Variants in REV3L observed in about 807,000 individuals in gnomAD.
REV3L encodes DNA polymerase zeta catalytic subunit.
Under a neutral mutation model 299.4 loss-of-function variants are expected in REV3L, and 69 were observed. That is an observed-to-expected ratio of 0.23 (90% CI 0.19 to 0.28). The LOEUF (loss-of-function observed/expected upper bound fraction) is 0.28, where lower values mean the gene tolerates loss of function less well. REV3L is among the 10% of genes least tolerant of loss of function. The probability of loss-of-function intolerance (pLI) is 1.00; values close to 1 mark genes in which losing one functional copy is unlikely to be tolerated. For synonymous variants in REV3L, 1,238 were observed against 1,271.4 expected (o/e 0.97, Z 0.56); for missense variants, 3,128 against 3,693.8 (o/e 0.85, Z 3.97).
chr6:111,450,414 G>A (rs1024839452), intron 1 of REV3L, among the ~76,000 whole-genome samples: 2 of 148,158 alleles, frequency 1.3e-5, no homozygotes, highest in Non-Finnish European at 3.0e-5. Context: ...AGGAATTCGA[G>A]GCTGCAGTGA....
intron 16 of REV3L, among the ~76,000 whole-genome samples, chr6:111,359,361 T>G (rs1458508390): frequency 6.6e-6 from 1 of 152,120 alleles, no homozygotes; most frequent in Non-Finnish European, 1.5e-5. Context: ...TTACTCTTCA[T>G]GTAGTTAGCT....
chr6:111,309,699 A>T, intron 30 of REV3L, 154 bp downstream of exon 30: 4 of 767,586 alleles, frequency 5.2e-6, no homozygotes, highest in Non-Finnish European at 7.8e-6. Context: ...TCTACCCAGC[A>T]CTTCCCCTCC....
intron 21 of REV3L, among the ~76,000 whole-genome samples, chr6:111,336,558 C>T (rs1362688761): frequency 1.3e-5 from 2 of 152,084 alleles, no homozygotes; most frequent in Non-Finnish European, 2.9e-5. Flanking sequence ...TTGGAATCCT[C>T]ATATACTGCT....
At position 111,329,531 on chromosome 6, in the gene REV3L, C is replaced by T; in HGVS notation, c.8241+1G>A. 6.2e-7 allele frequency: 1 copy of T among 1,613,806 alleles called. No homozygotes were observed. Among genetic ancestry groups the T allele is most frequent in the Non-Finnish European group, 8.5e-7 (1 of 1,179,734 alleles). ...AAAAACTACAGATTTGTATCACTTA[C>T]CTCAATGCATGGCATTCTCCCAGAA... On this transcript the variant is annotated splice_donor_variant, in intron 25 of 31. Coordinates refer to ENST00000368802, the MANE Select transcript of REV3L (RefSeq NM_001372078.1). LOFTEE classifies it high-confidence loss of function.
At chr6:111,437,375 G>C (rs1158060256) in intron 1 of REV3L, among the ~76,000 whole-genome samples, 2 of 151,804 alleles carry the variant, frequency 1.3e-5, no homozygotes, top group Non-Finnish European at 2.9e-5. Context: ...ATACAATACA[G>C]CATATCCAGA....
At chr6:111,381,185 T>C in intron 10 of REV3L, 140 bp downstream of exon 10, 1 of 797,972 alleles carries the variant, frequency 1.3e-6, no homozygotes, top group Non-Finnish European at 1.9e-6. Context: ...AATGCAAGGT[T>C]TCATTTTCAT....
intron 9 of REV3L, 92 bp from the exon 10 acceptor site, chr6:111,381,536 T>G: frequency 9.5e-7 from 1 of 1,047,684 alleles, no homozygotes. Context: ...AGCATTACCA[T>G]ATAAACCTAT....
chr6:111,386,288 A>G (rs1781334373), intron 9 of REV3L, among the ~76,000 whole-genome samples: 1 of 152,230 alleles, frequency 6.6e-6, no homozygotes, highest in African/African-American at 2.4e-5. Context: ...TGGAACAGTC[A>G]TCAGCAGCTA....
intron 21 of REV3L, among the ~76,000 whole-genome samples, chr6:111,337,698 TGATA>T (rs1424354207): frequency 6.6e-6 from 1 of 152,202 alleles, no homozygotes; most frequent in Non-Finnish European, 1.5e-5. Context: ...ATTATGAGTT[TGATA>T]GACAAAAAAT....
rs561084901 is a variant in REV3L, at chr6:111,418,380, T to C, written c.140-1908A>G. On this transcript the variant is annotated intron_variant, in intron 1 of 31. Coordinates refer to ENST00000368802, the MANE Select transcript of REV3L (RefSeq NM_001372078.1). ...ATTAATAGTTTCTTTATGGTCAGAGTGTTCACAAAGTGTCTTAAAAATAAT... is the reference window on the plus strand; with the variant it reads ...ATTAATAGTTTCTTTATGGTCAGAGCGTTCACAAAGTGTCTTAAAAATAAT... Among the ~76,000 whole-genome samples, 217 of 152,290 alleles carry C rather than the reference T, an allele frequency of 1.4e-3. 1 individual carries two copies. The highest frequency in any genetic ancestry group is 4.9e-3 in the African/African-American group (204 of 41,560).
intron 1 of REV3L, among the ~76,000 whole-genome samples, chr6:111,428,030 A>G (rs1044306832): frequency 1.8e-4 from 27 of 152,144 alleles, no homozygotes; most frequent in African/African-American, 2.4e-4. Flanking sequence ...GAAAAAAAAA[A>G]AAAGAAAGAA....
intron 13 of REV3L, among the ~76,000 whole-genome samples, chr6:111,368,650 C>G (rs1779466375): frequency 6.6e-6 from 1 of 152,084 alleles, no homozygotes; most frequent in African/African-American, 2.4e-5. Flanking sequence ...TTAAATGTTA[C>G]CAATGCATGA....
chr6:111,386,908 G>C (rs1244395423), intron 9 of REV3L, among the ~76,000 whole-genome samples: 1 of 151,842 alleles, frequency 6.6e-6, no homozygotes, highest in Admixed American at 6.6e-5. Context: ...TTTTAGTAGA[G>C]ACAGAGTTTC....
chr6:111,446,007 G>A (rs1788787166), intron 1 of REV3L, among the ~76,000 whole-genome samples: 2 of 152,142 alleles, frequency 1.3e-5, no homozygotes, highest in Non-Finnish European at 2.9e-5. Context: ...GAGACAGACT[G>A]AGGAAGTCCC....
chr6:111,300,086 A>G lies in REV3L; in HGVS notation c.9323T>C (p.Phe3108Ser), dbSNP rs1344984111. The change falls in exon 32 of 32, where the codon TTC becomes TCC. Residue 3108 changes from phenylalanine to serine, a missense_variant. Phe to Ser is a radical substitution (Grantham distance 155, BLOSUM62 -2). Coordinates refer to ENST00000368802, the MANE Select transcript of REV3L (RefSeq NM_001372078.1). Reference protein sequence around the residue: ...PCVSLNCPVLFKLSRVNRELS... With the variant: ...PCVSLNCPVLSKLSRVNRELS... ...TTCTCTATTTACTCGGGAGAGTTTGAAAAGTACTGGGCAGTTCAGAGAAAC... is the reference window on the plus strand; with the variant it reads ...TTCTCTATTTACTCGGGAGAGTTTGGAAAGTACTGGGCAGTTCAGAGAAAC... The G allele has an allele frequency of 6.2e-7, 1 of 1,613,790 alleles. No homozygotes were observed. The highest frequency in any genetic ancestry group is 8.5e-7 in the Non-Finnish European group (1 of 1,179,796).
At chr6:111,469,704 C>G (rs889668210) in intron 1 of REV3L, among the ~76,000 whole-genome samples, 1 of 152,202 alleles carries the variant, frequency 6.6e-6, no homozygotes, top group Non-Finnish European at 1.5e-5. Context: ...AAGCAAACAA[C>G]CAGTACGGAT....
chr6:111,446,083 T>C (rs1050257852), intron 1 of REV3L, among the ~76,000 whole-genome samples: 3 of 152,192 alleles, frequency 2.0e-5, no homozygotes, highest in African/African-American at 7.2e-5. Flanking sequence ...TGTACAGACA[T>C]ACATAATGTA....
intron 4 of REV3L, among the ~76,000 whole-genome samples, chr6:111,396,680 G>A (rs564758883): frequency 1.4e-4 from 21 of 151,962 alleles, no homozygotes; most frequent in Non-Finnish European, 2.2e-4. Flanking sequence ...CTTGTGATTC[G>A]TCTGCTCAGG....
chr6:111,472,032 T>C, intron 1 of REV3L: 1 of 1,145,466 alleles, frequency 8.7e-7, no homozygotes, highest in Non-Finnish European at 1.1e-6. Flanking sequence ...AGAAAAACAA[T>C]TTTGAGAGAA....
Sources: gnomAD v4.1 joint callset for allele counts (sites outside exome capture counted in the v4.1 genomes callset) on GRCh38, gnomAD v4.1.1 for gene constraint, MANE v1.5 for transcripts, NCBI Gene and HGNC (gene_info 2026-07-23, HGNC 2026-07-21) for gene names.